The following LRRC31 variants were observed in gnomAD, a reference collection of about 807,000 sequenced individuals.
The protein encoded by LRRC31 is leucine-rich repeat-containing protein 31.
LRRC31 carries 35 observed loss-of-function variants against 46.7 expected under a neutral mutation model. That is an observed-to-expected ratio of 0.75 (90% CI 0.57 to 0.99). The LOEUF (loss-of-function observed/expected upper bound fraction) is 0.99. Among genes scored for constraint, LRRC31 ranks in the 50% least tolerant of loss-of-function variants. The pLI is 0.00. For synonymous variants in LRRC31, 236 were observed against 235.1 expected (o/e 1.00, Z -0.03); for missense variants, 613 against 626.1 (o/e 0.98, Z 0.22).
intron 6 of LRRC31, among the ~76,000 whole-genome samples, chr3:169,852,227 T>C (rs1303261630): frequency 8.0e-6 from 1 of 125,260 alleles, no homozygotes. Flanking sequence ...TGAAACTCCG[T>C]CTCTACTAAA....
At position 169,856,272 on chromosome 3, in the gene LRRC31, A is replaced by G. The variant is rs1576793074; in HGVS notation, c.823+64T>C. 5.4e-6 allele frequency: 5 copies of G among 925,246 alleles called. No individual in the cohort carries two copies. In the East Asian group the frequency reaches 1.9e-4, roughly 36 times the overall value. 57.3% of individuals were successfully genotyped at this position (925,246 alleles called of 1,614,324 possible). On this transcript the variant is annotated intron_variant, in intron 5 of 8. Transcript: ENST00000316428. ...ATTTCCTAGTAACTTTTCAATATAT[A>G]TATTTATATGTATATCATATATAAT...
In LRRC31 at chr3:169,869,926, C is replaced by A; in HGVS notation, c.-119G>T. 1 of 805,440 alleles carries A rather than the reference C, an allele frequency of 1.2e-6. No individual in the cohort carries two copies. Among genetic ancestry groups the A allele is most frequent in the Non-Finnish European group, 1.8e-6 (1 of 547,758 alleles). 49.9% of individuals were successfully genotyped at this position (805,440 alleles called of 1,614,324 possible). A position where few individuals can be genotyped will look rare whatever the true frequency, so the allele number is the denominator to read the frequency against. Reference sequence around the variant, plus strand: ...CTGTGTTCAATCAAAATATCCTCCCCTACATGACTGCCCCCCACTCCCTGC... The same window carrying A: ...CTGTGTTCAATCAAAATATCCTCCCATACATGACTGCCCCCCACTCCCTGC... On this transcript the variant is annotated 5_prime_UTR_variant, in exon 1 of 9. It adds an upstream start codon to the 5' untranslated region. Transcript: ENST00000316428.
At chr3:169,864,671 A>G (rs1431880776) in intron 1 of LRRC31, among the ~76,000 whole-genome samples, 1 of 152,240 alleles carries the variant, frequency 6.6e-6, no homozygotes, top group African/African-American at 2.4e-5. Context: ...TCAATTACCA[A>G]AATAAATCAT....
chr3:169,860,875 G>A lies in LRRC31; in HGVS notation c.320-147C>T, dbSNP rs1225513011. Reference sequence around the variant, plus strand: ...GCACGCTGACTTTGGGCAAAGCAGGGAGCCCTCAGCTGTACAAGTGGAGAA... The same window carrying A: ...GCACGCTGACTTTGGGCAAAGCAGGAAGCCCTCAGCTGTACAAGTGGAGAA... On this transcript the variant is annotated intron_variant, in intron 2 of 8. Coordinates refer to ENST00000316428, the MANE Select transcript of LRRC31 (RefSeq NM_024727.4). The A allele has an allele frequency of 8.4e-6, 6 of 711,360 alleles. No individual in the cohort carries two copies. The Admixed American group carries it at 8.5e-5, about 10-fold the overall frequency. 44.1% of individuals were successfully genotyped at this position (711,360 alleles called of 1,614,324 possible).
At chr3:169,853,788 T>G in intron 6 of LRRC31, 1 of 863,908 alleles carries the variant, frequency 1.2e-6, no homozygotes, top group Non-Finnish European at 1.4e-6. Context: ...TAGAAACATA[T>G]TTTACGGTCT....
At position 169,854,898 on chromosome 3, in the gene LRRC31, C is replaced by A. The variant is rs377094093; in HGVS notation, c.906G>T (p.Ser302=). Residue 302 remains serine, a synonymous_variant, in exon 6 of 9, where the codon TCG becomes TCT. Coordinates refer to ENST00000316428, the MANE Select transcript of LRRC31 (RefSeq NM_024727.4). ...NKDLGGGFED[S]PAQLVMLKHL... is the part of the protein sequence containing the mutation. ...GCTTTAGCATGACCAACTGAGCCGG[C>A]GAGTCTTCAAAACCTCCACCTAGAT... 31 of 1,613,418 alleles carry A rather than the reference C, an allele frequency of 1.9e-5. No individual in the cohort carries two copies. The African/African-American group carries it at 4.1e-4, about 22-fold the overall frequency.
intron 5 of LRRC31, among the ~76,000 whole-genome samples, chr3:169,855,414 A>G (rs1352532279): frequency 1.3e-5 from 2 of 152,188 alleles, no homozygotes; most frequent in African/African-American, 4.8e-5. Context: ...GAACCCGACC[A>G]TGATTTCACA....
intron 1 of LRRC31, among the ~76,000 whole-genome samples, chr3:169,866,410 G>A (rs1388890486): frequency 3.3e-5 from 5 of 152,082 alleles, no homozygotes; most frequent in Admixed American, 6.5e-5. Flanking sequence ...GGATGACCCC[G>A]GCTTGGTTTT....
chr3:169,856,464 T>A lies in LRRC31; in HGVS notation c.695A>T (p.Asp232Val), dbSNP rs372908216. 1 of 1,604,712 alleles carries A rather than the reference T, an allele frequency of 6.2e-7. No individual in the cohort carries two copies. ...AACAATGTCTCTGTTAATGGAAAGA[T>A]CAAGTACTTCGAGACTTTGCAGCAT... is the stretch of plus-strand genomic sequence containing the variant. ...LPMLQSLEVL[D>V]LSINRDIVGS... Residue 232 changes from aspartate (D) to valine (V), a missense_variant, in exon 5 of 9, where the codon GAT becomes GTT. Coordinates refer to ENST00000316428, the MANE Select transcript of LRRC31 (RefSeq NM_024727.4).
At chr3:169,860,817 AGTTTTACACT>A (rs1392410556) in intron 2 of LRRC31, 89 bp from the exon 3 acceptor site, 4 of 1,334,500 alleles carry the variant, frequency 3.0e-6, no homozygotes, top group Non-Finnish European at 4.2e-6. Context: ...CACAGGATAT[AGTTTTACACT>A]GTAAGAGAAT....
rs781187300 is a variant in LRRC31 at position 169,856,436 on chromosome 3, G to T, written c.723C>A (p.Gly241=). The T allele has an allele frequency of 1.9e-6, 3 of 1,606,054 alleles. No individual in the cohort carries two copies. The highest frequency in any genetic ancestry group is 2.6e-6 in the Non-Finnish European group (3 of 1,176,154). ...LDLSINRDIV[G]SLNSIAQGLK... ...ATCCCTGAGCAATACTGTTCAGACTGCCAACAATGTCTCTGTTAATGGAAA... is the reference window on the plus strand; with the variant it reads ...ATCCCTGAGCAATACTGTTCAGACTTCCAACAATGTCTCTGTTAATGGAAA... The change falls in exon 5 of 9, where the codon GGC becomes GGA. Residue 241 remains glycine, a synonymous_variant. Coordinates refer to ENST00000316428, the MANE Select transcript of LRRC31 (RefSeq NM_024727.4).
At chr3:169,843,547 G>T (rs116684489) in intron 8 of LRRC31, among the ~76,000 whole-genome samples, 2,344 of 152,234 alleles carry the variant, frequency 0.015, 64 homozygotes, top group African/African-American at 0.054. Context: ...TTGGGTGATG[G>T]TTACATCAGC....
At chr3:169,842,796 G>A (rs1294647778) in intron 8 of LRRC31, among the ~76,000 whole-genome samples, 1 of 151,974 alleles carries the variant, frequency 6.6e-6, no homozygotes, top group Non-Finnish European at 1.5e-5. Context: ...AATAAAATTT[G>A]ATGCAGACAA....
chr3:169,844,807 C>T (rs540069949), intron 8 of LRRC31, among the ~76,000 whole-genome samples: 82 of 151,986 alleles, frequency 5.4e-4, no homozygotes, highest in African/African-American at 1.8e-3. Flanking sequence ...TGGCACATGC[C>T]TGTAGTCCCA....
intron 1 of LRRC31, among the ~76,000 whole-genome samples, chr3:169,862,169 G>A (rs1000438187): frequency 2.6e-5 from 4 of 152,194 alleles, no homozygotes; most frequent in Non-Finnish European, 5.9e-5. Context: ...TTTGGTGGAT[G>A]CAACTGCTAG....
At position 169,851,667 on chromosome 3, in the gene LRRC31, A is replaced by T. The variant is rs74495762; in HGVS notation, c.1111T>A (p.Leu371Ile). The change falls in exon 7 of 9, where the codon TTA becomes ATA. Residue 371 changes from leucine (L) to isoleucine (I), a missense_variant. Coordinates refer to ENST00000316428, the MANE Select transcript of LRRC31 (RefSeq NM_024727.4). ...RLRFLPALKS[L>I]VINNCALESE... Reference sequence around the variant, plus strand: ...TCCAAAGCACAGTTGTTGATAACTAATGACTTCAATGCTGGTAAAAATCGG... The same window carrying T: ...TCCAAAGCACAGTTGTTGATAACTATTGACTTCAATGCTGGTAAAAATCGG... 6.2e-7 allele frequency: 1 copy of T among 1,614,210 alleles called. No homozygotes were observed. The highest frequency in any genetic ancestry group is 1.1e-5 in the South Asian group (1 of 91,084).
At chr3:169,840,370 A>G (rs536209897) in intron 8 of LRRC31, 57 bp from the exon 9 acceptor site, 10 of 1,548,892 alleles carry the variant, frequency 6.5e-6, no homozygotes, top group Admixed American at 1.7e-5. Context: ...TGCCATGGCT[A>G]TTCCCATTTC....
chr3:169,844,763 C>A (rs942135448), intron 8 of LRRC31, among the ~76,000 whole-genome samples: 7 of 152,072 alleles, frequency 4.6e-5, no homozygotes, highest in African/African-American at 1.4e-4. Flanking sequence ...GAAACCCCGT[C>A]TGTATTAAAA....
intron 3 of LRRC31, among the ~76,000 whole-genome samples, chr3:169,858,719 A>G (rs1781046086): frequency 6.6e-6 from 1 of 152,232 alleles, no homozygotes. Flanking sequence ...AAGTGGCACT[A>G]GAGGCTGGGC....
Sources: allele counts gnomAD v4.1 joint callset (sites outside exome capture counted in the v4.1 genomes callset), GRCh38; gene constraint gnomAD v4.1.1; transcripts MANE v1.5; gene names NCBI Gene and HGNC (gene_info 2026-07-23, HGNC 2026-07-21).